Variants in RABGAP1L observed in about 807,000 individuals in gnomAD.
RABGAP1L encodes rab GTPase-activating protein 1-like.
Under a neutral mutation model 137.7 loss-of-function variants are expected in RABGAP1L, and 63 were observed. The observed-to-expected ratio is 0.46, with a 90% CI of 0.37 to 0.56. RABGAP1L has a LOEUF of 0.56. RABGAP1L is among the 20% of genes least tolerant of loss of function. RABGAP1L has a pLI of 0.00. For synonymous variants in RABGAP1L, 431 were observed against 433.7 expected, an observed-to-expected ratio of 0.99 and a Z score of 0.08; for missense variants, 1,095 against 1,244.0, an observed-to-expected ratio of 0.88 and a Z score of 1.80.
At chr1:174,849,602 T>C in intron 19 of RABGAP1L, 3 of 361,948 alleles carry the variant, frequency 8.3e-6, no homozygotes, top group South Asian at 6.6e-5. Flanking sequence ...ATTAACACAA[T>C]TTAATATGTG....
intron 13 of RABGAP1L, among the ~76,000 whole-genome samples, chr1:174,598,417 A>G (rs766407875): frequency 1.3e-5 from 2 of 151,122 alleles, no homozygotes; most frequent in African/African-American, 2.4e-5. Context: ...TGAAATATCT[A>G]TTAGGTCCAT....
At chr1:174,933,365 T>G (rs967802067) in intron 19 of RABGAP1L, among the ~76,000 whole-genome samples, 11 of 152,098 alleles carry the variant, frequency 7.2e-5, no homozygotes, top group Non-Finnish European at 1.6e-4. Flanking sequence ...CTGCTTGGGC[T>G]CCAACACATC....
At chr1:174,374,249 T>C (rs1685333103) in intron 12 of RABGAP1L, among the ~76,000 whole-genome samples, 1 of 152,168 alleles carries the variant, frequency 6.6e-6, no homozygotes, top group Admixed American at 6.5e-5. Context: ...CCTCCATGCA[T>C]CATAGAAATA....
At chr1:174,685,566 T>TATTTATTTA (rs1214481406) in intron 15 of RABGAP1L, among the ~76,000 whole-genome samples, 1 of 151,094 alleles carries the variant, frequency 6.6e-6, no homozygotes. Flanking sequence ...TTTATTTATT[T>TATTTATTTA]ATTTATTTAT....
intron 17 of RABGAP1L, among the ~76,000 whole-genome samples, chr1:174,706,374 G>A (rs764958905): frequency 7.2e-5 from 11 of 152,146 alleles, no homozygotes; most frequent in Middle Eastern, 3.4e-3. Context: ...ATTTTCTTAT[G>A]TTAAGATGAG....
At chr1:174,704,952 A>G (rs979473315) in intron 17 of RABGAP1L, among the ~76,000 whole-genome samples, 5 of 152,202 alleles carry the variant, frequency 3.3e-5, no homozygotes, top group Admixed American at 2.0e-4. Context: ...ATAGACTTTT[A>G]TATACTGAGC....
intron 12 of RABGAP1L, among the ~76,000 whole-genome samples, chr1:174,391,575 C>T (rs1687213567): frequency 6.6e-6 from 1 of 152,106 alleles, no homozygotes; most frequent in Non-Finnish European, 1.5e-5. Flanking sequence ...CGCCTGGGCT[C>T]AAACGATCCG....
chr1:174,174,938 C>G (rs78835230), intron 1 of RABGAP1L, among the ~76,000 whole-genome samples: 11,038 of 152,244 alleles, frequency 0.073, 598 homozygotes, highest in East Asian at 0.32. Flanking sequence ...TACTAGCTAT[C>G]TGGGTATCCC....
intron 13 of RABGAP1L, among the ~76,000 whole-genome samples, chr1:174,469,249 T>A (rs2149302803): frequency 6.6e-6 from 1 of 152,316 alleles, no homozygotes; most frequent in South Asian, 2.1e-4. Flanking sequence ...AATATATTGC[T>A]GACAAGGGAA....
chr1:174,293,576 TTTAA>T (rs1457487595), intron 10 of RABGAP1L, among the ~76,000 whole-genome samples: 2 of 152,180 alleles, frequency 1.3e-5, no homozygotes, highest in African/African-American at 4.8e-5. Flanking sequence ...TGGTAGTGAC[TTTAA>T]TAAGATTCTT....
chr1:174,367,378 G>A lies in RABGAP1L; in HGVS notation c.1466-3601G>A, dbSNP rs142680240. The A allele has an allele frequency of 1.0e-2, 1,821 of 182,894 alleles. 13 individuals carry two copies. Among genetic ancestry groups the A allele is most frequent in the Non-Finnish European group, 0.016 (1,439 of 88,948 alleles). The allele number at this position is 182,894 out of a possible 1,614,324, so 11.3% of individuals were successfully genotyped here. ...TCAATAGATACAGTCAGATTCCTGC[G>A]TTTGTGATAGATGTCTGGCATTGAC... On this transcript the variant is annotated intron_variant, in intron 11 of 25. Coordinates refer to ENST00000681986, the MANE Select transcript of RABGAP1L (RefSeq NM_001366446.1).
intron 13 of RABGAP1L, among the ~76,000 whole-genome samples, chr1:174,609,023 T>C (rs1007971935): frequency 2.7e-4 from 41 of 152,304 alleles, no homozygotes; most frequent in African/African-American, 9.1e-4. Context: ...TCAACACTAA[T>C]AATATTTTCA....
intron 16 of RABGAP1L, 78 bp downstream of exon 16, chr1:174,699,728 T>A: frequency 7.4e-7 from 1 of 1,345,574 alleles, no homozygotes; most frequent in South Asian, 1.4e-5. Flanking sequence ...TGGTAAGCAA[T>A]AATGAATTAT....
chr1:174,604,951 G>A (rs562277628), intron 13 of RABGAP1L, among the ~76,000 whole-genome samples: 1 of 152,224 alleles, frequency 6.6e-6, no homozygotes, highest in African/African-American at 2.4e-5. Context: ...CACCAGCCTG[G>A]CCAACATTGT....
chr1:174,194,339 A>G (rs1319405943), intron 1 of RABGAP1L, among the ~76,000 whole-genome samples: 1 of 150,796 alleles, frequency 6.6e-6, no homozygotes, highest in Non-Finnish European at 1.5e-5. Flanking sequence ...GGTTCAAGCG[A>G]TTCTCCTGCC....
chr1:174,777,506 C>T (rs1229820625), intron 18 of RABGAP1L, among the ~76,000 whole-genome samples: 2 of 152,204 alleles, frequency 1.3e-5, no homozygotes, highest in Non-Finnish European at 2.9e-5. Context: ...CCTGGTTGAG[C>T]ATCATTGCTT....
rs937713436 is a variant in RABGAP1L, at chr1:174,800,395, C to T, written c.2212-11437C>T. 12 of 1,550,544 alleles carry T rather than the reference C, an allele frequency of 7.7e-6. No homozygotes were observed. The African/African-American group carries it at 1.6e-4, about 21-fold the overall frequency. ...AGCTCACACCTCCTGTCAAAAAGTC[C>T]CAGGACATGCACGACGAGAGGAGCA... On this transcript the variant is annotated intron_variant, in intron 18 of 25. Coordinates refer to ENST00000681986, the MANE Select transcript of RABGAP1L (RefSeq NM_001366446.1).
chr1:174,807,145 A>G (rs1293044956), intron 18 of RABGAP1L, among the ~76,000 whole-genome samples: 1 of 152,238 alleles, frequency 6.6e-6, no homozygotes, highest in Non-Finnish European at 1.5e-5. Context: ...TTTGTTAAAT[A>G]TGTGTAAGAT....
intron 17 of RABGAP1L, among the ~76,000 whole-genome samples, chr1:174,709,210 A>G (rs955504390): frequency 6.6e-6 from 1 of 152,180 alleles, no homozygotes; most frequent in African/African-American, 2.4e-5. Context: ...TCTCCCTGGG[A>G]CAGAGCACCT....
Sources: gnomAD v4.1 joint callset for allele counts (sites outside exome capture counted in the v4.1 genomes callset) on GRCh38, gnomAD v4.1.1 for gene constraint, MANE v1.5 for transcripts, NCBI Gene and HGNC (gene_info 2026-07-23, HGNC 2026-07-21) for gene names.